ADCY9: variants seen among roughly 807,000 people sequenced by gnomAD.
ADCY9 encodes the protein adenylate cyclase 9, also known as adenylate cyclase type 9.
Under a neutral mutation model 101.5 loss-of-function variants are expected in ADCY9, and 50 were observed. That is an observed-to-expected ratio of 0.49 (90% CI 0.39 to 0.62). The LOEUF (loss-of-function observed/expected upper bound fraction) is 0.62. Ranked by LOEUF, ADCY9 falls within the 20% of genes least tolerant of loss-of-function variation. ADCY9 has a pLI of 0.00. For missense variants in ADCY9, 1,662 were observed against 1,800.4 expected, an observed-to-expected ratio of 0.92 and a Z score of 1.39; for synonymous variants, 905 against 769.3, an observed-to-expected ratio of 1.18 and a Z score of -2.92.
At chr16:4,053,075 T>C (rs569485679) in intron 2 of ADCY9, among the ~76,000 whole-genome samples, 3 of 152,340 alleles carry the variant, frequency 2.0e-5, no homozygotes, top group African/African-American at 4.8e-5. Flanking sequence ...TGTTTTGACA[T>C]GTCACACGTA....
intron 2 of ADCY9, among the ~76,000 whole-genome samples, chr16:4,071,873 C>T (rs1224687831): frequency 2.0e-5 from 3 of 151,978 alleles, no homozygotes; most frequent in South Asian, 2.1e-4. Flanking sequence ...TGCGGTGGTG[C>T]GGTCTCGGCT....
At chr16:3,977,708 G>C in intron 8 of ADCY9, 78 bp from the exon 9 acceptor site, 1 of 1,504,084 alleles carries the variant, frequency 6.6e-7, no homozygotes, top group South Asian at 1.3e-5. Flanking sequence ...CAAAACATTC[G>C]CCACTAATCC....
chr16:3,958,273 A>G (rs2055918519), downstream of ADCY9, among the ~76,000 whole-genome samples: 1 of 152,106 alleles, frequency 6.6e-6, no homozygotes, highest in Admixed American at 6.6e-5. Context: ...CGGGCACGGT[A>G]GCTCACGCCT....
At chr16:4,076,932 C>A (rs2056870994) in intron 2 of ADCY9, among the ~76,000 whole-genome samples, 1 of 152,048 alleles carries the variant, frequency 6.6e-6, no homozygotes, top group African/African-American at 2.4e-5. Flanking sequence ...CAAAAATTAG[C>A]CGGGCATGGT....
chr16:3,977,375 T>C (rs993216643), intron 9 of ADCY9, 107 bp downstream of exon 9: 2 of 1,402,056 alleles, frequency 1.4e-6, no homozygotes, highest in South Asian at 1.4e-5. Context: ...ATGGGAAATA[T>C]CTCTATCGGG....
chr16:4,078,599 G>C (rs1231144222), intron 2 of ADCY9, among the ~76,000 whole-genome samples: 1 of 146,824 alleles, frequency 6.8e-6, no homozygotes, highest in East Asian at 2.0e-4. Flanking sequence ...AAAAGTATTA[G>C]AAGAAAATAT....
intron 2 of ADCY9, among the ~76,000 whole-genome samples, chr16:4,049,368 C>A (rs1484031402): frequency 6.6e-6 from 1 of 152,130 alleles, no homozygotes. Flanking sequence ...CATAGATGAC[C>A]AGGCACAGGC....
chr16:3,968,402 G>C (rs2056018339), intron 10 of ADCY9, among the ~76,000 whole-genome samples: 1 of 152,162 alleles, frequency 6.6e-6, no homozygotes, highest in Non-Finnish European at 1.5e-5. Flanking sequence ...AAAGTGCTGG[G>C]ATTACAGGTG....
chr16:3,968,586 A>T (rs1380412791), intron 10 of ADCY9, among the ~76,000 whole-genome samples: 1 of 152,176 alleles, frequency 6.6e-6, no homozygotes, highest in Non-Finnish European at 1.5e-5. Flanking sequence ...GACAATGCTA[A>T]CATCTGAACC....
intron 2 of ADCY9, among the ~76,000 whole-genome samples, chr16:4,020,629 C>G (rs2056468943): frequency 6.6e-6 from 1 of 151,980 alleles, no homozygotes; most frequent in Non-Finnish European, 1.5e-5. Flanking sequence ...CGAGACCAGC[C>G]TGGCCAACAA....
At chr16:4,031,542 T>C (rs1368133776) in intron 2 of ADCY9, among the ~76,000 whole-genome samples, 1 of 152,174 alleles carries the variant, frequency 6.6e-6, no homozygotes, top group Non-Finnish European at 1.5e-5. Context: ...TTAGTGTTCA[T>C]TATACTATTA....
intron 2 of ADCY9, among the ~76,000 whole-genome samples, chr16:4,064,615 G>A (rs1469289723): frequency 1.3e-5 from 2 of 152,048 alleles, no homozygotes; most frequent in African/African-American, 4.8e-5. Flanking sequence ...TGGGACTCCA[G>A]GTGGGTACCA....
intron 2 of ADCY9, among the ~76,000 whole-genome samples, chr16:4,079,692 T>C (rs1232886817): frequency 6.6e-6 from 1 of 152,232 alleles, no homozygotes; most frequent in African/African-American, 2.4e-5. Context: ...TGGTGTTTAA[T>C]GGTGTTAATG....
At chr16:4,055,711 G>A (rs1309360389) in intron 2 of ADCY9, among the ~76,000 whole-genome samples, 1 of 151,908 alleles carries the variant, frequency 6.6e-6, no homozygotes, top group African/African-American at 2.4e-5. Flanking sequence ...CCGGGCGCCT[G>A]TAGTCCCAGC....
At chr16:4,059,379 G>GAAAAAAAAAAAAAAAAAA (rs1555441793) in intron 2 of ADCY9, among the ~76,000 whole-genome samples, 1 of 118,470 alleles carries the variant, frequency 8.4e-6, no homozygotes, top group Non-Finnish European at 1.7e-5. Flanking sequence ...AGAATCCATC[G>GAAAAAAAAAAAAAAAAAA]AAAAAAAAAA....
intron 2 of ADCY9, among the ~76,000 whole-genome samples, chr16:4,113,213 A>G: frequency 6.6e-6 from 1 of 151,910 alleles, no homozygotes; most frequent in Admixed American, 6.6e-5. Flanking sequence ...GTGTGTACTC[A>G]GAGGTAAGTA....
intron 5 of ADCY9, among the ~76,000 whole-genome samples, chr16:3,990,768 C>T (rs549847764): frequency 1.7e-5 from 2 of 115,980 alleles, no homozygotes; most frequent in East Asian, 5.6e-4. Context: ...GTGGCAGAAG[C>T]GACACTGCTA....
intron 5 of ADCY9, among the ~76,000 whole-genome samples, chr16:3,991,714 T>C (rs972845118): frequency 4.9e-5 from 7 of 143,386 alleles, no homozygotes; most frequent in Admixed American, 1.5e-4. Flanking sequence ...TGAGCCGAGA[T>C]TGAGCCACTG....
chr16:4,085,257 G>A (rs2056930438), intron 2 of ADCY9, among the ~76,000 whole-genome samples: 1 of 152,092 alleles, frequency 6.6e-6, no homozygotes, highest in Admixed American at 6.6e-5. Flanking sequence ...AGCTACTTGG[G>A]AAGCTGAGGT....
Sources: allele counts gnomAD v4.1 joint callset (sites outside exome capture counted in the v4.1 genomes callset), GRCh38; gene constraint gnomAD v4.1.1; transcripts MANE v1.5; gene names NCBI Gene and HGNC (gene_info 2026-07-23, HGNC 2026-07-21).